The following LINGO2 variants were observed in gnomAD, a reference collection of about 807,000 sequenced individuals.
LINGO2 encodes leucine-rich repeat and immunoglobulin-like domain-containing nogo receptor-interacting protein 2.
In LINGO2, 14 loss-of-function variants were observed where a neutral mutation model predicts 30.6. The ratio of observed to expected loss-of-function variants is 0.46; its 90% CI spans 0.30 to 0.72. LINGO2 has a LOEUF of 0.72. LINGO2 is among the 30% of genes least tolerant of loss of function. The pLI, the probability that LINGO2 is intolerant of heterozygous loss-of-function variation, is 0.07. For synonymous variants in LINGO2, 317 were observed against 288.5 expected (o/e 1.10, Z -1.00); for missense variants, 729 against 751.7 (o/e 0.97, Z 0.35).
chr9:28,625,051 C>T (rs1428723006), intron 1 of LINGO2, among the ~76,000 whole-genome samples: 6 of 151,918 alleles, frequency 3.9e-5, no homozygotes, highest in African/African-American at 1.5e-4. Context: ...CTAGAAGTTG[C>T]CTAGGAATTT....
chr9:28,023,974 G>C (rs1823257393), intron 4 of LINGO2, among the ~76,000 whole-genome samples: 1 of 152,060 alleles, frequency 6.6e-6, no homozygotes. Flanking sequence ...TTTCATTTTT[G>C]CGTCTCTGGA....
rs949210617 is a variant in LINGO2, at chr9:28,050,968, A to G, written c.-86-38563T>C. ...GTTATGACAGTGGTGGGCTCAACAT[A>G]CTCATCAGTAAGAAGTATAGATGAA... On this transcript the variant is annotated intron_variant, in intron 4 of 5. Transcript: ENST00000379992. Among the ~76,000 whole-genome samples, 2 of 151,008 alleles carry G rather than the reference A, an allele frequency of 1.3e-5. 1 individual carries two copies. Among genetic ancestry groups the G allele is most frequent in the African/African-American group, 4.9e-5 (2 of 40,874 alleles).
At chr9:28,194,015 TCA>T (rs148012957) in intron 4 of LINGO2, among the ~76,000 whole-genome samples, 1 of 152,280 alleles carries the variant, frequency 6.6e-6, no homozygotes, top group Non-Finnish European at 1.5e-5. Context: ...GTTTTGGAAG[TCA>T]CATAGCATTT....
At chr9:28,711,850 A>T in the LINGO2 span, among the ~76,000 whole-genome samples, 2 of 152,248 alleles carry the variant, frequency 1.3e-5, no homozygotes, top group East Asian at 3.9e-4. Context: ...ACAAAAACTT[A>T]CTCCATTAAA....
chr9:28,305,125 C>T (rs1824293376), intron 3 of LINGO2, among the ~76,000 whole-genome samples: 1 of 151,924 alleles, frequency 6.6e-6, no homozygotes, highest in Non-Finnish European at 1.5e-5. Flanking sequence ...AAAATAAAAA[C>T]CATATGATCA....
chr9:28,452,595 T>TAG (rs949649295), intron 2 of LINGO2, among the ~76,000 whole-genome samples: 1 of 151,882 alleles, frequency 6.6e-6, no homozygotes, highest in Non-Finnish European at 1.5e-5. Flanking sequence ...TCTACAGGGC[T>TAG]AGTGTCCTTG....
At chr9:28,523,894 C>CTTT (rs1165400056) in intron 1 of LINGO2, among the ~76,000 whole-genome samples, 1 of 138,350 alleles carries the variant, frequency 7.2e-6, no homozygotes. Context: ...ACACAGTTGG[C>CTTT]TTTTTTTTTT....
At chr9:28,992,006 C>T in the LINGO2 span, among the ~76,000 whole-genome samples, 2 of 152,138 alleles carry the variant, frequency 1.3e-5, no homozygotes, top group African/African-American at 4.8e-5. Context: ...AACAAATTCA[C>T]ACATAACAAT....
chr9:28,639,827 G>A (rs1035042892), intron 1 of LINGO2, among the ~76,000 whole-genome samples: 1 of 152,246 alleles, frequency 6.6e-6, no homozygotes, highest in African/African-American at 2.4e-5. Context: ...TACATTTAAG[G>A]TTAATATGGT....
At chr9:28,471,920 A>G (rs1239956293) in intron 2 of LINGO2, among the ~76,000 whole-genome samples, 1 of 152,204 alleles carries the variant, frequency 6.6e-6, no homozygotes, top group Non-Finnish European at 1.5e-5. Context: ...ATCTCACAGC[A>G]TAATATTGAG....
At chr9:28,242,558 T>C (rs1821838751) in intron 4 of LINGO2, among the ~76,000 whole-genome samples, 1 of 152,076 alleles carries the variant, frequency 6.6e-6, no homozygotes, top group African/African-American at 2.4e-5. Context: ...CTTCAGGATA[T>C]TATCCAGGAG....
At chr9:28,164,582 T>C (rs1325665225) in intron 4 of LINGO2, among the ~76,000 whole-genome samples, 4 of 152,154 alleles carry the variant, frequency 2.6e-5, no homozygotes, top group African/African-American at 9.7e-5. Context: ...ATGAACTATA[T>C]TGGAGCAGTA....
chr9:28,235,944 C>T (rs1466665780), intron 4 of LINGO2, among the ~76,000 whole-genome samples: 3 of 152,026 alleles, frequency 2.0e-5, no homozygotes, highest in Non-Finnish European at 4.4e-5. Flanking sequence ...ACTTCCTAAT[C>T]CTAGGGAAAG....
intron 3 of LINGO2, among the ~76,000 whole-genome samples, chr9:28,307,607 G>C (rs2134237758): frequency 6.6e-6 from 1 of 152,226 alleles, no homozygotes; most frequent in East Asian, 1.9e-4. Flanking sequence ...AGGAAATAAA[G>C]GGTATTCAGT....
chr9:28,120,948 A>T (rs899317958), intron 4 of LINGO2, among the ~76,000 whole-genome samples: 1 of 152,208 alleles, frequency 6.6e-6, no homozygotes, highest in African/African-American at 2.4e-5. Flanking sequence ...AAACAAAAAG[A>T]CAAAACAAAC....
intron 5 of LINGO2, among the ~76,000 whole-genome samples, chr9:27,957,680 G>C (rs371926087): frequency 6.6e-6 from 1 of 151,330 alleles, no homozygotes; most frequent in Admixed American, 6.6e-5. Flanking sequence ...AATCCTTTGG[G>C]CTTTTCTAGA....
At chr9:28,754,667 G>A in the LINGO2 span, among the ~76,000 whole-genome samples, 2 of 148,932 alleles carry the variant, frequency 1.3e-5, no homozygotes, top group East Asian at 3.9e-4. Context: ...GTCTCGCTCT[G>A]TTGCCCAGGC....
chr9:29,077,440 C>A, the LINGO2 span, among the ~76,000 whole-genome samples: 1 of 151,900 alleles, frequency 6.6e-6, no homozygotes, highest in African/African-American at 2.4e-5. Context: ...AGATCAGATA[C>A]AACCTACAAT....
chr9:28,819,713 T>C, the LINGO2 span, among the ~76,000 whole-genome samples: 1 of 152,130 alleles, frequency 6.6e-6, no homozygotes, highest in Non-Finnish European at 1.5e-5. Context: ...GCCAAGCAGG[T>C]CCTGTGGCAG....
Sources: allele counts gnomAD v4.1 joint callset (sites outside exome capture counted in the v4.1 genomes callset), GRCh38; gene constraint gnomAD v4.1.1; transcripts MANE v1.5; gene names NCBI Gene and HGNC (gene_info 2026-07-23, HGNC 2026-07-21).